ATP13A2: variants seen among roughly 807,000 people sequenced by gnomAD.
ATP13A2 encodes polyamine-transporting ATPase 13A2.
In ATP13A2, 83 loss-of-function variants were observed where a neutral mutation model predicts 138.3. That is an observed-to-expected ratio of 0.60 (90% confidence interval 0.50 to 0.72). The LOEUF (loss-of-function observed/expected upper bound fraction) is 0.72, where lower values mean the gene tolerates loss of function less well. Ranked by LOEUF, ATP13A2 falls within the 30% of genes least tolerant of loss-of-function variation. ATP13A2 has a pLI of 0.00. For missense variants in ATP13A2, 1,402 were observed against 1,606.4 expected (o/e 0.87, Z 2.17); for synonymous variants, 663 against 699.0 (o/e 0.95, Z 0.81).
rs754741241 is a variant in ATP13A2, at chr1:16,988,494, G to A, written c.2610-20C>T. ...CAGTACCTGAAGAGAGGTGTGGACAGGTGTGGCCTGGGGAATTACCCCACC... is the reference window on the plus strand; with the variant it reads ...CAGTACCTGAAGAGAGGTGTGGACAAGTGTGGCCTGGGGAATTACCCCACC... On this transcript the variant is annotated intron_variant, in intron 23 of 28. Transcript: ENST00000326735. The A allele has an allele frequency of 6.2e-6, 10 of 1,613,336 alleles. No homozygotes were observed. The South Asian group carries it at 1.1e-4, about 18-fold the overall frequency.
rs1342067315 is a variant in ATP13A2 at position 17,011,509 on chromosome 1, C to T, written c.10+220G>A. Among the ~76,000 whole-genome samples, 1 of 152,120 alleles carries T rather than the reference C, an allele frequency of 6.6e-6. No individual in the cohort carries two copies. Among genetic ancestry groups the T allele is most frequent in the African/African-American group, 2.4e-5 (1 of 41,438 alleles). Reference sequence around the variant, plus strand: ...GGGGAGGGGAGGGACCGGCTGCGAGCGGCGGCGCCATCCCCAGCCCCGGCG... The same window carrying T: ...GGGGAGGGGAGGGACCGGCTGCGAGTGGCGGCGCCATCCCCAGCCCCGGCG... On this transcript the variant is annotated intron_variant, in intron 1 of 28. Coordinates refer to ENST00000326735, the MANE Select transcript of ATP13A2 (RefSeq NM_022089.4). This position sits in a 1 kb window ranked among gnomAD's most constrained non-coding sequence, Gnocchi z 7.3.
chr1:17,004,235 G>T lies in ATP13A2; in HGVS notation c.557+97C>A, dbSNP rs1570886560. ...GGTTTCAGACAGCAAAAGCATCAGA[G>T]CTGAGAGGGGAGCCCAGGCCATGCC... On this transcript the variant is annotated intron_variant, in intron 6 of 28. Coordinates refer to ENST00000326735, the MANE Select transcript of ATP13A2 (RefSeq NM_022089.4). This position sits in a 1 kb window ranked among gnomAD's most constrained non-coding sequence, Gnocchi z 4.1. 6 of 1,287,884 alleles carry T rather than the reference G, an allele frequency of 4.7e-6. No individual in the cohort carries two copies. In the East Asian group the frequency reaches 7.5e-5, roughly 16 times the overall value. The allele number at this position is 1,287,884 out of a possible 1,614,324, so 79.8% of individuals were successfully genotyped here.
At chr1:16,992,880 A>C (rs534469933) in intron 16 of ATP13A2, among the ~76,000 whole-genome samples, 1 of 152,244 alleles carries the variant, frequency 6.6e-6, no homozygotes. Context: ...GCGCTGGCGC[A>C]TAGTAGGCAC....
In ATP13A2 at chr1:17,003,560, AAAAC is replaced by A. The variant is rs201629341; in HGVS notation, c.557+768_557+771del. Among the ~76,000 whole-genome samples the A allele has an allele frequency of 4.0e-3, 590 of 148,858 alleles. 2 individuals are homozygous for A. Among genetic ancestry groups the A allele is most frequent in the South Asian group, 0.016 (73 of 4,676 alleles). ...CAACAAGAGTGAAACTCCATCTTAAAAAACAAACAAACAAACCAAAAAAACCACA... is the reference window on the plus strand; with the variant it reads ...CAACAAGAGTGAAACTCCATCTTAAAAAACAAACAAACCAAAAAAACCACA... On this transcript the variant is annotated intron_variant, in intron 6 of 28. Transcript: ENST00000326735.
chr1:16,996,559 CT>C (rs1295793395), intron 12 of ATP13A2, 63 bp from the exon 13 acceptor site: 17 of 1,322,846 alleles, frequency 1.3e-5, no homozygotes, highest in African/African-American at 2.9e-5. Flanking sequence ...TTCCCCACCC[CT>C]AGCCCTCCCG....
At chr1:16,991,031 C>A (rs891466015) in intron 20 of ATP13A2, among the ~76,000 whole-genome samples, 1 of 151,728 alleles carries the variant, frequency 6.6e-6, no homozygotes, top group East Asian at 1.9e-4. Flanking sequence ...CTCACTGCAA[C>A]CTCCACCTCC....
chr1:17,007,798 G>A (rs564053555), intron 1 of ATP13A2, among the ~76,000 whole-genome samples: 3 of 152,104 alleles, frequency 2.0e-5, no homozygotes, highest in Admixed American at 6.5e-5. Flanking sequence ...TGATCCGCCC[G>A]CCTCGGCCTC....
At chr1:16,996,214 C>A in intron 14 of ATP13A2, 40 bp downstream of exon 14, 3 of 1,614,138 alleles carry the variant, frequency 1.9e-6, no homozygotes, top group Non-Finnish European at 2.5e-6. Context: ...GGCCCCTGGG[C>A]CCTGCTGGCA....
Position 16,996,487 on chromosome 1 carries a change from G to A in ATP13A2, c.1205C>T (p.Thr402Met), listed in dbSNP as rs763632781. 2.6e-5 allele frequency: 42 copies of A among 1,613,906 alleles called. No individual in the cohort carries two copies. Among genetic ancestry groups the A allele is most frequent in the African/African-American group, 4.0e-5 (3 of 75,018 alleles). ...LAVVTRTGFCTAKGGLVSSIL... is the reference protein window; with the variant it reads ...LAVVTRTGFCMAKGGLVSSIL... ...GGAGCTCACCAGGCCCCCTTTTGCC[G>A]TGCAGAACCCTGGGGAGGAGGCGGG... The change falls in exon 13 of 29, where the codon ACG becomes ATG. Residue 402 changes from threonine to methionine, a missense_variant. Coordinates refer to ENST00000326735, the MANE Select transcript of ATP13A2 (RefSeq NM_022089.4).
intron 6 of ATP13A2, among the ~76,000 whole-genome samples, chr1:17,003,694 T>C (rs1352263463): frequency 6.9e-6 from 1 of 145,478 alleles, no homozygotes; most frequent in Non-Finnish European, 1.5e-5. Flanking sequence ...GATGGAGTCA[T>C]GCTCTGTCAT....
In ATP13A2 at chr1:17,004,581, T is replaced by C; in HGVS notation, c.477+111A>G. 6.2e-7 allele frequency: 1 copy of C among 1,602,848 alleles called. No individual in the cohort carries two copies. ...ACGTGCTCAGACAGCATCCTGGATG[T>C]TTGGGACAACAGAACTAAAAGGTGG... On this transcript the variant is annotated intron_variant, in intron 5 of 28. Coordinates refer to ENST00000326735, the MANE Select transcript of ATP13A2 (RefSeq NM_022089.4). This position sits in a 1 kb window ranked among gnomAD's most constrained non-coding sequence, Gnocchi z 4.1.
At position 16,985,958 on chromosome 1, in the gene ATP13A2, G is replaced by A. The variant is rs925956683; in HGVS notation, c.*263C>T. 1.4e-6 allele frequency: 2 copies of A among 1,439,986 alleles called. No homozygotes were observed. Among genetic ancestry groups the A allele is most frequent in the African/African-American group, 2.9e-5 (2 of 69,396 alleles). 89.2% of individuals were successfully genotyped at this position (1,439,986 alleles called of 1,614,324 possible). On this transcript the variant is annotated 3_prime_UTR_variant, in exon 29 of 29. Transcript: ENST00000326735. ...CCAGGTACAAGACAGGCACAGCAGA[G>A]CCAGGAAAATATCATGACTTTATTT...
Position 16,995,990 on chromosome 1 carries a change from C to A in ATP13A2, c.1528G>T (p.Val510Leu), listed in dbSNP as rs375353579. 8.7e-6 allele frequency: 14 copies of A among 1,613,924 alleles called. No homozygotes were observed. The highest frequency in any genetic ancestry group is 1.2e-5 in the Non-Finnish European group (14 of 1,180,050). Residue 510 changes from valine to leucine, a missense_variant, in exon 15 of 29, where the codon GTG becomes TTG. Val to Leu is a conservative substitution (Grantham distance 32). Transcript: ENST00000326735. This position sits in a 1 kb window ranked among gnomAD's most constrained non-coding sequence, Gnocchi z 4.1. ...TGCGGCCCCACCTTGTCGAAACACA[C>A]CAGCTGCAGCTTGCCCCCCAGGTTG... Reference protein sequence around the residue: ...RINLGGKLQLVCFDKTGTLTE... With the variant: ...RINLGGKLQLLCFDKTGTLTE...
Position 16,995,445 on chromosome 1 carries a change from A to G in ATP13A2, c.1542+531T>C, listed in dbSNP as rs113440493. 3,595 of 265,008 alleles carry G rather than the reference A, an allele frequency of 0.014. 53 individuals are homozygous for G. The highest frequency in any genetic ancestry group is 0.03 in the Middle Eastern group (21 of 694). The allele number at this position is 265,008 out of a possible 1,614,324, so 16.4% of individuals were successfully genotyped here. Reference sequence around the variant, plus strand: ...GGGTTGGGAGCAGCACGGGATGCACACTAGGGCCCCAGGTCCCCACCAGTA... The same window carrying G: ...GGGTTGGGAGCAGCACGGGATGCACGCTAGGGCCCCAGGTCCCCACCAGTA... On this transcript the variant is annotated intron_variant, in intron 15 of 28. Coordinates refer to ENST00000326735, the MANE Select transcript of ATP13A2 (RefSeq NM_022089.4). This position sits in a 1 kb window ranked among gnomAD's most constrained non-coding sequence, Gnocchi z 4.1.
chr1:16,998,381 T>C (rs1374377538), intron 11 of ATP13A2, among the ~76,000 whole-genome samples: 3 of 152,084 alleles, frequency 2.0e-5, no homozygotes, highest in African/African-American at 7.2e-5. Context: ...ATTTTTTGTA[T>C]TTTTGGTAGA....
rs749842499 is a variant in ATP13A2, at chr1:16,992,300, C to T, written c.1948G>A (p.Glu650Lys). The T allele has an allele frequency of 6.8e-6, 11 of 1,612,248 alleles. No individual in the cohort carries two copies. The highest frequency in any genetic ancestry group is 4.5e-5 in the East Asian group (2 of 44,884). The change falls in exon 18 of 29, where the codon GAG becomes AAG. Residue 650 changes from glutamate to lysine, a missense_variant. Coordinates refer to ENST00000326735, the MANE Select transcript of ATP13A2 (RefSeq NM_022089.4). ...TCCGGGGAGCCTTTGACGTAGGCCT[C>T]GGGCTGAGTGGCCCCTGGCCACGCC... ...VVAWPGATQP[E>K]AYVKGSPELV...
At chr1:17,002,593 G>A (rs2077401983) in intron 6 of ATP13A2, among the ~76,000 whole-genome samples, 1 of 152,200 alleles carries the variant, frequency 6.6e-6, no homozygotes, top group Non-Finnish European at 1.5e-5. Context: ...GGAGAACAGC[G>A]AGAGATGATG....
intron 1 of ATP13A2, among the ~76,000 whole-genome samples, chr1:17,007,026 G>A (rs2077584967): frequency 6.6e-6 from 1 of 152,082 alleles, no homozygotes; most frequent in African/African-American, 2.4e-5. Context: ...GAGTAGCTGG[G>A]ATTACAGGCG....
rs781304413 is a variant in ATP13A2, at chr1:16,997,025, C to G, written c.1190G>C (p.Arg397Pro). ...VGPHVLAVVT[R>P]TGFCTAKGGL... is the part of the protein sequence containing the mutation. ...CCCAGCCTCCCGGCTCATACCTGTG[C>G]GGGTCACCACTGCCAGGACGTGCGG... Residue 397 changes from arginine (R) to proline (P), a missense_variant, in exon 12 of 29, where the codon CGC becomes CCC. Coordinates refer to ENST00000326735, the MANE Select transcript of ATP13A2 (RefSeq NM_022089.4). The G allele has an allele frequency of 6.2e-7, 1 of 1,611,884 alleles. No homozygotes were observed. Among genetic ancestry groups the G allele is most frequent in the Non-Finnish European group, 8.5e-7 (1 of 1,179,858 alleles).
Sources: allele counts gnomAD v4.1 joint callset (sites outside exome capture counted in the v4.1 genomes callset), GRCh38; gene constraint gnomAD v4.1.1; non-coding constraint Gnocchi (gnomAD v3.1); transcripts MANE v1.5; gene names NCBI Gene and HGNC (gene_info 2026-07-23, HGNC 2026-07-21).